TRMT44: variants seen among roughly 807,000 people sequenced by gnomAD.
The protein encoded by TRMT44 is probable tRNA (uracil-O(2)-)-methyltransferase.
Under a neutral mutation model 77.3 loss-of-function variants are expected in TRMT44, and 78 were observed. The ratio of observed to expected loss-of-function variants is 1.01; its 90% CI spans 0.84 to 1.22. The LOEUF is 1.22. Among genes scored for constraint, TRMT44 ranks in the 50% most tolerant of loss-of-function variants. The pLI, the probability that TRMT44 is intolerant of heterozygous loss-of-function variation, is 0.00. For synonymous variants in TRMT44, 391 were observed against 383.3 expected (o/e 1.02, Z -0.23); for missense variants, 1,090 against 964.4 (o/e 1.13, Z -1.73).
Position 8,468,330 on chromosome 4 carries a change from G to C in TRMT44, c.1911G>C (p.Lys637Asn). 1 of 1,614,120 alleles carries C rather than the reference G, an allele frequency of 6.2e-7. No individual in the cohort carries two copies. Among genetic ancestry groups the C allele is most frequent in the Non-Finnish European group, 8.5e-7 (1 of 1,180,042 alleles). Reference sequence around the variant, plus strand: ...GAAGTTCTCGAAATGGGAGTTTGAAGACCTGGAATGGGGGAGGTAAGCTGT... The same window carrying C: ...GAAGTTCTCGAAATGGGAGTTTGAACACCTGGAATGGGGGAGGTAAGCTGT... ...NTRSSRNGSL[K>N]TWNGGESLSL... is the part of the protein sequence containing the mutation. Residue 637 changes from lysine (K) to asparagine (N), a missense_variant, in exon 9 of 11, where the codon AAG becomes AAC. Transcript: ENST00000389737.
chr4:8,461,929 C>A lies in TRMT44; in HGVS notation c.1204-2056C>A, dbSNP rs1015094121. On this transcript the variant is annotated intron_variant, in intron 6 of 10. Transcript: ENST00000389737. This position sits in a 1 kb window ranked among gnomAD's most constrained non-coding sequence, Gnocchi z 4.6. ...ACAATCTAGAAAGTCAAAGGCCAGG[C>A]GTAGAATATAACTTTTTTTCTTTCT... Among the ~76,000 whole-genome samples, 1 of 152,062 alleles carries A rather than the reference C, an allele frequency of 6.6e-6. No homozygotes were observed. The highest frequency in any genetic ancestry group is 2.1e-4 in the South Asian group (1 of 4,820).
chr4:8,471,154 T>TG lies in TRMT44; in HGVS notation c.2003dup (p.Leu669ProfsTer44). 1 of 1,609,868 alleles carries TG rather than the reference T, an allele frequency of 6.2e-7. No individual in the cohort carries two copies. Among genetic ancestry groups the TG allele is most frequent in the South Asian group, 1.1e-5 (1 of 90,526 alleles). On this transcript the variant is annotated frameshift_variant, in exon 10 of 11. Coordinates refer to ENST00000389737, the MANE Select transcript of TRMT44 (RefSeq NM_152544.3). LOFTEE classifies it low-confidence loss of function (END_TRUNC). ...CCCTGCGGAGGCTGAAGCGGGAGTG[T>TG]GGGGGCCTGCAGACGCTGCTCCGGA... is the stretch of plus-strand genomic sequence containing the variant.
downstream of TRMT44, among the ~76,000 whole-genome samples, chr4:8,480,840 C>T (rs572606277): frequency 6.6e-6 from 1 of 152,322 alleles, no homozygotes; most frequent in South Asian, 2.1e-4. Flanking sequence ...TACTTTCCAA[C>T]CTGACCCTGG....
At chr4:8,502,277 GCCCTGCCTT>G in the TRMT44 span, among the ~76,000 whole-genome samples, 4 of 152,214 alleles carry the variant, frequency 2.6e-5, no homozygotes, top group Non-Finnish European at 5.9e-5. Flanking sequence ...TAGACACCCT[GCCCTGCCTT>G]CTTCCTGTTG....
At chr4:8,469,044 G>A (rs1726799288) in intron 9 of TRMT44, among the ~76,000 whole-genome samples, 1 of 152,198 alleles carries the variant, frequency 6.6e-6, no homozygotes, top group Admixed American at 6.5e-5. Context: ...GGTGACTTCT[G>A]CCTGGCTGCG....
chr4:8,463,235 C>T (rs1726284271), intron 6 of TRMT44, among the ~76,000 whole-genome samples: 1 of 152,176 alleles, frequency 6.6e-6, no homozygotes, highest in South Asian at 2.1e-4. Flanking sequence ...GGTCTCTCTT[C>T]CCCCTCTCTC....
intron 7 of TRMT44, among the ~76,000 whole-genome samples, chr4:8,464,447 T>G (rs1289097026): frequency 6.6e-6 from 1 of 152,212 alleles, no homozygotes. Context: ...AACATGAGGC[T>G]TTGCCTTTAA....
At chr4:8,464,960 A>G (rs1021688105) in intron 7 of TRMT44, among the ~76,000 whole-genome samples, 5 of 152,222 alleles carry the variant, frequency 3.3e-5, no homozygotes, top group Admixed American at 2.0e-4. Context: ...AAACTATTGC[A>G]GAAACCAAAA....
At chr4:8,473,927 G>A (rs1322509058) in intron 10 of TRMT44, among the ~76,000 whole-genome samples, 2 of 152,164 alleles carry the variant, frequency 1.3e-5, no homozygotes, top group African/African-American at 4.8e-5. Flanking sequence ...GCCTGCCTGC[G>A]CCGTTCGGGA....
intron 2 of TRMT44, among the ~76,000 whole-genome samples, chr4:8,483,443 C>T (rs1286348112): frequency 6.6e-6 from 1 of 151,930 alleles, no homozygotes; most frequent in African/African-American, 2.4e-5. Flanking sequence ...CTAAGTTGGT[C>T]TGGTGTCTGG....
intron 3 of TRMT44, among the ~76,000 whole-genome samples, chr4:8,450,322 G>C (rs1226837313): frequency 2.0e-5 from 3 of 151,736 alleles, no homozygotes; most frequent in Non-Finnish European, 4.4e-5. Flanking sequence ...GACATACTTA[G>C]GGGTGCACAC....
intron 7 of TRMT44, among the ~76,000 whole-genome samples, chr4:8,464,516 C>CTG: frequency 6.6e-6 from 1 of 152,206 alleles, no homozygotes; most frequent in Non-Finnish European, 1.5e-5. Flanking sequence ...GCACGGGGAG[C>CTG]TGTGTGTGTC....
chr4:8,491,852 C>T (rs1300400879), intron 2 of TRMT44, among the ~76,000 whole-genome samples: 1 of 152,256 alleles, frequency 6.6e-6, no homozygotes, highest in Non-Finnish European at 1.5e-5. Flanking sequence ...CAGAAAGGGG[C>T]TCCCACAGTG....
downstream of TRMT44, among the ~76,000 whole-genome samples, chr4:8,495,096 G>C (rs1213892372): frequency 6.6e-6 from 1 of 152,234 alleles, no homozygotes; most frequent in Non-Finnish European, 1.5e-5. Flanking sequence ...TCCACCATGA[G>C]AGTCCTCAGT....
chr4:8,493,812 C>T (rs1728081336), downstream of TRMT44, among the ~76,000 whole-genome samples: 1 of 151,960 alleles, frequency 6.6e-6, no homozygotes, highest in Admixed American at 6.6e-5. Flanking sequence ...AGGGCCACAG[C>T]TCTGGTGGAA....
At chr4:8,450,002 A>C (rs1173582452) in intron 3 of TRMT44, 114 bp downstream of exon 3, 102 of 550,244 alleles carry the variant, frequency 1.9e-4, no homozygotes, top group African/African-American at 5.4e-4. Flanking sequence ...TCACCCCCCC[A>C]AAAAAAAGGG....
chr4:8,442,991 A>G (rs1348850259), intron 1 of TRMT44, among the ~76,000 whole-genome samples: 1 of 152,116 alleles, frequency 6.6e-6, no homozygotes, highest in East Asian at 1.9e-4. Context: ...ATAATACAGT[A>G]TATTCACGAG....
chr4:8,454,441 T>C (rs1024746965), intron 5 of TRMT44: 14 of 353,630 alleles, frequency 4.0e-5, no homozygotes, highest in Admixed American at 2.1e-4. Context: ...TAGGCAAATA[T>C]GTGCAGGCCA....
intron 1 of TRMT44, among the ~76,000 whole-genome samples, chr4:8,445,861 G>A (rs561332739): frequency 1.3e-5 from 2 of 152,116 alleles, no homozygotes; most frequent in South Asian, 4.2e-4. Context: ...AATATCAAAG[G>A]TAAACACGAT....
Sources: allele counts gnomAD v4.1 joint callset (sites outside exome capture counted in the v4.1 genomes callset), GRCh38; gene constraint gnomAD v4.1.1; non-coding constraint Gnocchi (gnomAD v3.1); transcripts MANE v1.5; gene names NCBI Gene and HGNC (gene_info 2026-07-23, HGNC 2026-07-21).